The following ERICH3 variants were observed in gnomAD, a reference collection of about 807,000 sequenced individuals.
ERICH3 encodes glutamate-rich protein 3.
Under a neutral mutation model 131.1 loss-of-function variants are expected in ERICH3, and 126 were observed. The ratio of observed to expected loss-of-function variants is 0.96; its 90% CI spans 0.83 to 1.11. The LOEUF is 1.11. Among genes scored for constraint, ERICH3 ranks in the 50% most tolerant of loss-of-function variants. The probability of loss-of-function intolerance (pLI) is 0.00; values close to 1 mark genes in which losing one functional copy is unlikely to be tolerated. For synonymous variants in ERICH3, 695 were observed against 644.6 expected, an observed-to-expected ratio of 1.08 and a Z score of -1.18; for missense variants, 2,050 against 1,810.7, an observed-to-expected ratio of 1.13 and a Z score of -2.40.
rs1648426843 is a variant in ERICH3, at chr1:74,606,920, A to G, written c.1188-18T>C. On this transcript the variant is annotated intron_variant, in intron 9 of 14. Transcript: ENST00000326665. ...TAATGCACCTATGAAAAATATTAGC[A>G]GGAAGTGTTTGTTAACCCTTGTAGA... 1 of 1,601,798 alleles carries G rather than the reference A, an allele frequency of 6.2e-7. No individual in the cohort carries two copies.
chr1:74,573,491 G>A lies in ERICH3; in HGVS notation c.2219C>T (p.Ala740Val), dbSNP rs375493438. ...ATCCACCATGAAATTCATTGTTGGTGCTATAAAAATAAGGTTAGAAATCAA... is the reference window on the plus strand; with the variant it reads ...ATCCACCATGAAATTCATTGTTGGTACTATAAAAATAAGGTTAGAAATCAA... ...LPLAYVLALGAPTMNFMVDET... is the reference protein window; with the variant it reads ...LPLAYVLALGVPTMNFMVDET... The change falls in exon 14 of 15, where the codon GCA becomes GTA. Residue 740 changes from alanine (A) to valine (V), a missense_variant and splice_region_variant. Physicochemically the swap from Ala to Val is moderately conservative, Grantham distance 64. Transcript: ENST00000326665. 2.4e-4 allele frequency: 367 copies of A among 1,502,704 alleles called. 1 individual carries two copies. The highest frequency in any genetic ancestry group is 4.4e-4 in the Admixed American group (18 of 40,898). The allele number at this position is 1,502,704 out of a possible 1,614,324, so 93.1% of individuals were successfully genotyped here.
At chr1:74,648,446 C>G (rs1023744628) in intron 2 of ERICH3, among the ~76,000 whole-genome samples, 3 of 152,192 alleles carry the variant, frequency 2.0e-5, no homozygotes, top group South Asian at 4.1e-4. Flanking sequence ...ATGGCAAGCT[C>G]GGTTTCAGCC....
chr1:74,639,406 C>T (rs1462163800), intron 5 of ERICH3, among the ~76,000 whole-genome samples: 1 of 152,138 alleles, frequency 6.6e-6, no homozygotes, highest in Non-Finnish European at 1.5e-5. Context: ...ACATTTATCT[C>T]TAAAAGCAAA....
rs188925315 is a variant in ERICH3 at position 74,652,162 on chromosome 1, T to A, written c.24-2847A>T. The stretch of plus-strand genomic sequence containing the variant: ...TTCATTTTTAGACAATGCTGGAATT[T>A]TTTTAACTGAAACTTTACATTACTA... On this transcript the variant is annotated intron_variant, in intron 1 of 14. Coordinates refer to ENST00000326665, the MANE Select transcript of ERICH3 (RefSeq NM_001002912.5). 1.1e-3 allele frequency among the ~76,000 whole-genome samples: 175 copies of A among 152,322 alleles called. 3 individuals carry two copies. Among genetic ancestry groups the A allele is most frequent in the East Asian group, 3.9e-4 (2 of 5,182 alleles).
intron 11 of ERICH3, among the ~76,000 whole-genome samples, chr1:74,595,921 T>C (rs769757383): frequency 7.9e-5 from 12 of 152,166 alleles, no homozygotes; most frequent in South Asian, 2.1e-4. Context: ...ATCTATAACA[T>C]TCCCATAATC....
intron 12 of ERICH3, chr1:74,589,292 T>C (rs1168832913): frequency 7.1e-6 from 3 of 423,762 alleles, no homozygotes; most frequent in Non-Finnish European, 1.2e-5. Context: ...ATAGTATTTC[T>C]AGTATTAAAT....
chr1:74,640,610 T>C (rs1032583327), intron 5 of ERICH3, among the ~76,000 whole-genome samples: 1 of 152,208 alleles, frequency 6.6e-6, no homozygotes, highest in African/African-American at 2.4e-5. Context: ...GCAAATGTTT[T>C]ATAAATCTTT....
intron 13 of ERICH3, among the ~76,000 whole-genome samples, chr1:74,574,746 A>G (rs1647020639): frequency 6.6e-6 from 1 of 152,148 alleles, no homozygotes; most frequent in African/African-American, 2.4e-5. Flanking sequence ...AACAAAGTGG[A>G]TTTTTTTACT....
chr1:74,602,016 A>C (rs1648161406), intron 10 of ERICH3, among the ~76,000 whole-genome samples: 1 of 151,896 alleles, frequency 6.6e-6, no homozygotes, highest in Non-Finnish European at 1.5e-5. Context: ...AAGGGAGTAG[A>C]TTATAGAACA....
chr1:74,627,271 G>T (rs1258074192), intron 7 of ERICH3, among the ~76,000 whole-genome samples: 3 of 152,008 alleles, frequency 2.0e-5, no homozygotes, highest in Admixed American at 1.3e-4. Context: ...TATAGGGATG[G>T]GTAGATTTAT....
chr1:74,661,910 C>T (rs1487422751), intron 1 of ERICH3, among the ~76,000 whole-genome samples: 1 of 152,108 alleles, frequency 6.6e-6, no homozygotes, highest in Non-Finnish European at 1.5e-5. Flanking sequence ...TAGTTTTTTG[C>T]ACTGGACATT....
intron 13 of ERICH3, 140 bp from the exon 14 acceptor site, chr1:74,573,631 C>T: frequency 2.9e-6 from 3 of 1,022,090 alleles, no homozygotes; most frequent in Non-Finnish European, 3.8e-6. Flanking sequence ...ATATATAAAA[C>T]ACTTTCTCCA....
At chr1:74,596,453 A>G (rs755816609) in intron 11 of ERICH3, among the ~76,000 whole-genome samples, 1 of 152,082 alleles carries the variant, frequency 6.6e-6, no homozygotes, top group Non-Finnish European at 1.5e-5. Context: ...GCATCACTTT[A>G]AGCATTCATC....
At chr1:74,621,919 T>C (rs1054032360) in intron 7 of ERICH3, 3 of 152,186 alleles carry the variant, frequency 2.0e-5, no homozygotes, top group African/African-American at 7.2e-5. Context: ...GGCCAGCCTT[T>C]CCTTCTCATC....
chr1:74,630,136 G>A (rs115199055), intron 7 of ERICH3, among the ~76,000 whole-genome samples: 71 of 152,208 alleles, frequency 4.7e-4, no homozygotes, highest in South Asian at 2.9e-3. Context: ...TTTAACATCC[G>A]AAAATCAAAT....
intron 3 of ERICH3, among the ~76,000 whole-genome samples, chr1:74,643,657 G>A (rs1223933710): frequency 1.3e-5 from 2 of 152,072 alleles, no homozygotes; most frequent in Non-Finnish European, 2.9e-5. Flanking sequence ...CCTGTGCTAG[G>A]AAGGTGCTTC....
chr1:74,616,238 TTGAACTCC>T (rs1648958814), intron 8 of ERICH3, among the ~76,000 whole-genome samples: 1 of 152,108 alleles, frequency 6.6e-6, no homozygotes, highest in Admixed American at 6.6e-5. Context: ...CAGGCTGGTC[TTGAACTCC>T]TGACCTTAGG....
chr1:74,600,385 A>G (rs963454808), intron 10 of ERICH3, among the ~76,000 whole-genome samples: 1 of 151,886 alleles, frequency 6.6e-6, no homozygotes, highest in Non-Finnish European at 1.5e-5. Context: ...AAGTGGAAAA[A>G]TTCAATTAAT....
At chr1:74,585,049 G>A (rs562224197) in intron 12 of ERICH3, among the ~76,000 whole-genome samples, 1 of 152,210 alleles carries the variant, frequency 6.6e-6, no homozygotes, top group East Asian at 1.9e-4. Context: ...AATAGAAAAT[G>A]CTTATTCCCA....
Sources: allele counts gnomAD v4.1 joint callset (sites outside exome capture counted in the v4.1 genomes callset), GRCh38; gene constraint gnomAD v4.1.1; transcripts MANE v1.5; gene names NCBI Gene and HGNC (gene_info 2026-07-23, HGNC 2026-07-21).